ICE1: variants seen among roughly 807,000 people sequenced by gnomAD.
The protein encoded by ICE1 is interactor of little elongation complex ELL subunit 1, also known as little elongation complex subunit 1.
Under a neutral mutation model 192.7 loss-of-function variants are expected in ICE1, and 64 were observed. The observed-to-expected ratio is 0.33, with a 90% CI of 0.27 to 0.41. The LOEUF (loss-of-function observed/expected upper bound fraction) is 0.41. Ranked by LOEUF, ICE1 falls within the 10% of genes least tolerant of loss-of-function variation. The pLI is 1.00. For missense variants in ICE1, 2,708 were observed against 2,696.0 expected (o/e 1.00, Z -0.10); for synonymous variants, 1,010 against 984.5 (o/e 1.03, Z -0.49).
chr5:5,424,362 A>G (rs568929204), intron 1 of ICE1, among the ~76,000 whole-genome samples: 4 of 152,214 alleles, frequency 2.6e-5, no homozygotes, highest in South Asian at 2.1e-4. Context: ...TTGTGTAGGT[A>G]TCTTATAACG....
chr5:5,431,269 A>G (rs556873351), intron 1 of ICE1, among the ~76,000 whole-genome samples: 1 of 152,364 alleles, frequency 6.6e-6, no homozygotes, highest in South Asian at 2.1e-4. Flanking sequence ...TTTAGAAAAA[A>G]TAATAGTTTA....
chr5:5,434,941 T>C (rs1431397305), intron 1 of ICE1, among the ~76,000 whole-genome samples: 7 of 152,244 alleles, frequency 4.6e-5, no homozygotes, highest in African/African-American at 1.7e-4. Flanking sequence ...AAATTCTTAA[T>C]CTGTGAATTG....
At chr5:5,437,008 T>G in intron 2 of ICE1, 72 bp from the exon 3 acceptor site, 1 of 998,584 alleles carries the variant, frequency 1.0e-6, no homozygotes, top group Non-Finnish European at 1.5e-6. Context: ...CTTGCATGGA[T>G]TGAAACATAA....
In ICE1 at chr5:5,457,218, C is replaced by T. The variant is rs921020700; in HGVS notation, c.692-114C>T. The T allele has an allele frequency of 3.9e-6, 4 of 1,034,586 alleles. No homozygotes were observed. The Admixed American group carries it at 9.6e-5, about 25-fold the overall frequency. 64.1% of individuals were successfully genotyped at this position (1,034,586 alleles called of 1,614,324 possible). On this transcript the variant is annotated intron_variant, in intron 11 of 18. Coordinates refer to ENST00000296564, the MANE Select transcript of ICE1 (RefSeq NM_015325.3). Reference sequence around the variant, plus strand: ...GTTGCCTTTTAAAAAATTACTTGGACTTAATATTTCAAGCATTTTGAACTG... The same window carrying T: ...GTTGCCTTTTAAAAAATTACTTGGATTTAATATTTCAAGCATTTTGAACTG...
At position 5,462,262 on chromosome 5, in the gene ICE1, A is replaced by C; in HGVS notation, c.2928A>C (p.Ala976=). Residue 976 remains alanine, a synonymous_variant, in exon 13 of 19, where the codon GCA becomes GCC. Transcript: ENST00000296564. ...IQNQDIVREA[A]VQGDGQKQRQ... is the part of the protein sequence containing the mutation. ...ACCAAGACATTGTGAGAGAAGCTGC[A>C]GTGCAGGGAGATGGGCAGAAGCAAA... 1 of 1,612,996 alleles carries C rather than the reference A, an allele frequency of 6.2e-7. No homozygotes were observed. The highest frequency in any genetic ancestry group is 1.1e-5 in the South Asian group (1 of 90,986).
intron 17 of ICE1, among the ~76,000 whole-genome samples, chr5:5,485,570 C>G (rs1394528565): frequency 1.3e-5 from 2 of 152,164 alleles, no homozygotes; most frequent in African/African-American, 2.4e-5. Flanking sequence ...TTAAAGGGTA[C>G]TTGAAGTGTG....
At chr5:5,437,242 A>G in intron 3 of ICE1, 128 bp downstream of exon 3, 2 of 655,876 alleles carry the variant, frequency 3.0e-6, no homozygotes, top group Non-Finnish European at 2.7e-6. Flanking sequence ...AGTAGGGAGC[A>G]TGTCTCACAA....
chr5:5,473,511 T>G (rs761242565), intron 15 of ICE1, 47 bp from the exon 16 acceptor site: 4 of 1,513,798 alleles, frequency 2.6e-6, no homozygotes, highest in African/African-American at 2.8e-5. Flanking sequence ...GTAAGATGCA[T>G]TCTATTTGAA....
In ICE1 at chr5:5,462,169, A is replaced by G. The variant is rs2111379485; in HGVS notation, c.2835A>G (p.Pro945=). The G allele has an allele frequency of 1.2e-6, 2 of 1,613,216 alleles. No homozygotes were observed. The highest frequency in any genetic ancestry group is 1.1e-5 in the South Asian group (1 of 90,976). ...LDFNSPGGSS[P]VENSDCSTNS... ...TTAATTCTCCAGGTGGTTCTTCACC[A>G]GTAGAAAATTCTGATTGTTCCACAA... The change falls in exon 13 of 19, where the codon CCA becomes CCG. Residue 945 remains proline (P), a synonymous_variant. Coordinates refer to ENST00000296564, the MANE Select transcript of ICE1 (RefSeq NM_015325.3).
At chr5:5,465,502 C>A (rs958689933) in intron 13 of ICE1, among the ~76,000 whole-genome samples, 1 of 152,124 alleles carries the variant, frequency 6.6e-6, no homozygotes, top group Non-Finnish European at 1.5e-5. Flanking sequence ...CCACTTGATC[C>A]TGGCATGTTT....
intron 14 of ICE1, among the ~76,000 whole-genome samples, chr5:5,467,445 A>G (rs974344884): frequency 6.6e-6 from 1 of 152,210 alleles, no homozygotes; most frequent in African/African-American, 2.4e-5. Context: ...TCTTAGCTCA[A>G]GCTTTTGTGC....
At chr5:5,429,594 A>G (rs757112905) in intron 1 of ICE1, among the ~76,000 whole-genome samples, 5 of 152,228 alleles carry the variant, frequency 3.3e-5, no homozygotes, top group African/African-American at 4.8e-5. Context: ...GTTTGAGCAG[A>G]CTACATATCC....
chr5:5,477,385 T>A (rs552284951), intron 17 of ICE1, among the ~76,000 whole-genome samples: 1 of 152,322 alleles, frequency 6.6e-6, no homozygotes, highest in Admixed American at 6.5e-5. Context: ...CTAGAAAATC[T>A]AGAAGAAATG....
intron 17 of ICE1, among the ~76,000 whole-genome samples, chr5:5,478,641 C>T (rs571904879): frequency 2.0e-5 from 3 of 152,246 alleles, no homozygotes; most frequent in African/African-American, 4.8e-5. Context: ...ATATAGCCAA[C>T]ACAGTTGTAA....
At chr5:5,426,447 CAAAAA>C (rs569904155) in intron 1 of ICE1, among the ~76,000 whole-genome samples, 1 of 69,130 alleles carries the variant, frequency 1.4e-5, no homozygotes, top group Admixed American at 1.7e-4. Flanking sequence ...GACTCCGTCT[CAAAAA>C]AAAAAAAAAA....
chr5:5,424,016 G>A (rs142877950), intron 1 of ICE1, among the ~76,000 whole-genome samples: 157 of 152,302 alleles, frequency 1.0e-3, no homozygotes, highest in African/African-American at 3.3e-3. Flanking sequence ...TTGAATAATG[G>A]GAAGGATCGG....
At position 5,437,091 on chromosome 5, in the gene ICE1, C is replaced by T. The variant is rs1737891460; in HGVS notation, c.155C>T (p.Thr52Ile). The change falls in exon 3 of 19, where the codon ACA (threonine) becomes ATA (isoleucine). Residue 52 changes from threonine (T) to isoleucine (I), a missense_variant. By Grantham distance (89) the Thr-to-Ile change is moderately conservative. This residue lies in a region of ICE1 where 2,366 missense variants were observed against 2,276.6 expected (regional missense o/e 1.04). Coordinates refer to ENST00000296564, the MANE Select transcript of ICE1 (RefSeq NM_015325.3). The stretch of plus-strand genomic sequence containing the variant: ...TTTCTTTTTTGCAGTAATTTGTTAA[C>T]AGAATATCAGAAGAAATGTGATGAT... ...QKIINTDNLLTEYQKKCDELQ... is the reference protein window; with the variant it reads ...QKIINTDNLLIEYQKKCDELQ... 6.6e-7 allele frequency: 1 copy of T among 1,525,766 alleles called. No homozygotes were observed. Among genetic ancestry groups the T allele is most frequent in the Non-Finnish European group, 8.9e-7 (1 of 1,118,708 alleles). 94.5% of individuals were successfully genotyped at this position (1,525,766 alleles called of 1,614,324 possible).
In ICE1 at chr5:5,457,624, AGAT is replaced by A; in HGVS notation, c.985_987del (p.Asp329del). The A allele has an allele frequency of 6.2e-7, 1 of 1,613,900 alleles. No individual in the cohort carries two copies. The highest frequency in any genetic ancestry group is 8.5e-7 in the Non-Finnish European group (1 of 1,179,858). On this transcript the variant is annotated inframe_deletion, in exon 12 of 19. Coordinates refer to ENST00000296564, the MANE Select transcript of ICE1 (RefSeq NM_015325.3). ...TTGATCATGATCATTTTTTTGATGA[AGAT>A]CTTCAAGCTGCAATTGACTTCTTCA...
intron 10 of ICE1, among the ~76,000 whole-genome samples, chr5:5,449,921 C>G (rs552942599): frequency 6.6e-6 from 1 of 152,280 alleles, no homozygotes; most frequent in East Asian, 1.9e-4. Flanking sequence ...TGTAAACCCT[C>G]ACAACTGCGT....
Sources: allele counts gnomAD v4.1 joint callset (sites outside exome capture counted in the v4.1 genomes callset), GRCh38; gene constraint gnomAD v4.1.1; regional missense constraint gnomAD v4.1.1; transcripts MANE v1.5; gene names NCBI Gene and HGNC (gene_info 2026-07-23, HGNC 2026-07-21).